ESF1: variants seen among roughly 807,000 people sequenced by gnomAD.
ESF1 encodes ESF1 homolog.
ESF1 carries 58 observed loss-of-function variants against 92.0 expected under a neutral mutation model. The observed-to-expected ratio is 0.63, with a 90% CI of 0.51 to 0.78. The LOEUF (loss-of-function observed/expected upper bound fraction) is 0.78. Among genes scored for constraint, ESF1 ranks in the 30% least tolerant of loss-of-function variants. ESF1 has a pLI of 0.00. For synonymous variants in ESF1, 321 were observed against 313.7 expected, an observed-to-expected ratio of 1.02 and a Z score of -0.24; for missense variants, 922 against 989.1, an observed-to-expected ratio of 0.93 and a Z score of 0.91.
chr20:13,779,800 G>T (rs2079110180), intron 2 of ESF1, among the ~76,000 whole-genome samples: 1 of 152,194 alleles, frequency 6.6e-6, no homozygotes, highest in East Asian at 1.9e-4. Context: ...CTCCCAAAGT[G>T]CTGGGATTAT....
intron 8 of ESF1, among the ~76,000 whole-genome samples, chr20:13,763,030 T>C (rs1019257046): frequency 1.5e-4 from 23 of 151,964 alleles, no homozygotes; most frequent in Non-Finnish European, 5.9e-5. Context: ...CCGGCTAATT[T>C]TTTTGTGTTT....
At chr20:13,719,051 T>C in intron 11 of ESF1, 67 bp from the exon 12 acceptor site, 2 of 1,093,344 alleles carry the variant, frequency 1.8e-6, no homozygotes, top group African/African-American at 1.6e-5. Context: ...CTGTTTATAC[T>C]AGGAACAAAA....
At chr20:13,721,580 T>C (rs1156244055) in intron 11 of ESF1, among the ~76,000 whole-genome samples, 1 of 152,130 alleles carries the variant, frequency 6.6e-6, no homozygotes, top group Non-Finnish European at 1.5e-5. Flanking sequence ...TCAAGATGGT[T>C]GAAGAATTGC....
At position 13,782,566 on chromosome 20, in the gene ESF1, G is replaced by T; in HGVS notation, c.575C>A (p.Thr192Asn). The part of the protein sequence containing the change: ...EEKQRTLDSG[T>N]SEIVKSPRIE... ...TCTGGGAGATTTCACAATTTCAGAG[G>T]TGCCTGAGTCTAATGTCCTTTGTTT... is the stretch of plus-strand genomic sequence containing the variant. The change falls in exon 2 of 14, where the codon ACC becomes AAC. Residue 192 changes from threonine to asparagine, a missense_variant. Thr to Asn is a moderately conservative substitution (Grantham distance 65). Coordinates refer to ENST00000617257, the MANE Select transcript of ESF1 (RefSeq NM_001276380.2). The T allele has an allele frequency of 6.3e-7, 1 of 1,576,620 alleles. No individual in the cohort carries two copies. Among genetic ancestry groups the T allele is most frequent in the Non-Finnish European group, 8.5e-7 (1 of 1,169,772 alleles).
At chr20:13,783,227 C>T (rs1302172064) in intron 1 of ESF1, 44 bp from the exon 2 acceptor site, 21 of 1,302,698 alleles carry the variant, frequency 1.6e-5, no homozygotes, top group Non-Finnish European at 2.0e-5. Context: ...ATGGTTAGTA[C>T]AATAATTAAA....
chr20:13,774,325 C>T (rs1979827545), intron 4 of ESF1, among the ~76,000 whole-genome samples: 2 of 152,018 alleles, frequency 1.3e-5, no homozygotes, highest in East Asian at 1.9e-4. Flanking sequence ...TCAAAGGAAA[C>T]GCTCATTGGC....
intron 9 of ESF1, among the ~76,000 whole-genome samples, chr20:13,738,724 C>T (rs1398261323): frequency 6.6e-6 from 1 of 152,138 alleles, no homozygotes. Flanking sequence ...GGGTATCTCT[C>T]TTAACAGGTT....
At position 13,723,882 on chromosome 20, in the gene ESF1, T is replaced by G. The variant is rs182028954; in HGVS notation, c.2038+4496A>C. Among the ~76,000 whole-genome samples the G allele has an allele frequency of 4.6e-5, 7 of 152,364 alleles. No homozygotes were observed. The East Asian group carries it at 1.3e-3, about 29-fold the overall frequency. On this transcript the variant is annotated intron_variant, in intron 11 of 13. Coordinates refer to ENST00000617257, the MANE Select transcript of ESF1 (RefSeq NM_001276380.2). ...TCCTTAGATAATGACTATATTTTAC[T>G]TCCACCAGGTACTAAAATCTAAAAT...
chr20:13,723,417 C>T (rs1361866651), intron 11 of ESF1, among the ~76,000 whole-genome samples: 4 of 151,560 alleles, frequency 2.6e-5, no homozygotes, highest in Non-Finnish European at 5.9e-5. Context: ...CCCACTAGGA[C>T]TCAGATTCTA....
intron 8 of ESF1, among the ~76,000 whole-genome samples, chr20:13,762,114 TC>T (rs1169087585): frequency 6.6e-6 from 1 of 152,196 alleles, no homozygotes; most frequent in Non-Finnish European, 1.5e-5. Context: ...ATTTATTTTT[TC>T]TTTTTTCAGC....
chr20:13,717,304 T>C, intron 13 of ESF1, 64 bp downstream of exon 13: 1 of 1,576,800 alleles, frequency 6.3e-7, no homozygotes, highest in Non-Finnish European at 8.7e-7. Context: ...TCAATTTCTA[T>C]CTGCAGAGCT....
At chr20:13,754,611 T>C (rs1395243861) in intron 9 of ESF1, among the ~76,000 whole-genome samples, 1 of 152,172 alleles carries the variant, frequency 6.6e-6, no homozygotes, top group Non-Finnish European at 1.5e-5. Context: ...TGCAAACATG[T>C]TCCATCCACA....
chr20:13,735,768 T>C (rs1218993796), intron 9 of ESF1, among the ~76,000 whole-genome samples: 1 of 152,114 alleles, frequency 6.6e-6, no homozygotes. Flanking sequence ...TATAGAAATT[T>C]TTTCACCAAA....
chr20:13,735,307 C>T (rs1225802881), intron 9 of ESF1, among the ~76,000 whole-genome samples: 1 of 152,008 alleles, frequency 6.6e-6, no homozygotes, highest in Non-Finnish European at 1.5e-5. Context: ...TAATGTTAAC[C>T]TATATGCACA....
intron 10 of ESF1, among the ~76,000 whole-genome samples, chr20:13,730,630 C>T (rs146535831): frequency 0.018 from 2,787 of 151,446 alleles, 93 homozygotes; most frequent in African/African-American, 0.062. Flanking sequence ...GTGATCCGCC[C>T]GCCTCGGCCT....
intron 10 of ESF1, among the ~76,000 whole-genome samples, chr20:13,733,072 C>T (rs998740692): frequency 1.6e-4 from 24 of 151,902 alleles, no homozygotes; most frequent in African/African-American, 4.4e-4. Flanking sequence ...ATTACAGGTG[C>T]GCGCCACCAC....
intron 2 of ESF1, among the ~76,000 whole-genome samples, chr20:13,778,638 C>A (rs1299425744): frequency 6.6e-6 from 1 of 152,060 alleles, no homozygotes; most frequent in Non-Finnish European, 1.5e-5. Context: ...GACAATGGTA[C>A]ACATACCACA....
rs776604357 is a variant in ESF1, at chr20:13,783,178, C to G, written c.-38G>C. The G allele has an allele frequency of 1.3e-6, 2 of 1,557,262 alleles. No homozygotes were observed. Among genetic ancestry groups the G allele is most frequent in the South Asian group, 1.2e-5 (1 of 83,126 alleles). ...ATCTCGACCAAATGCTTGAAGAAAA[C>G]AAATACTGAAAAATAAAACAAATGT... On this transcript the variant is annotated 5_prime_UTR_variant, in exon 2 of 14. Transcript: ENST00000617257.
intron 2 of ESF1, among the ~76,000 whole-genome samples, chr20:13,777,203 T>A (rs1296288332): frequency 6.6e-6 from 1 of 152,184 alleles, no homozygotes; most frequent in Non-Finnish European, 1.5e-5. Flanking sequence ...GGTGGCAGTA[T>A]GTATGCAGAG....
Sources: allele counts gnomAD v4.1 joint callset (sites outside exome capture counted in the v4.1 genomes callset), GRCh38; gene constraint gnomAD v4.1.1; transcripts MANE v1.5; gene names NCBI Gene and HGNC (gene_info 2026-07-23, HGNC 2026-07-21).